The following THADA variants were observed in gnomAD, a reference collection of about 807,000 sequenced individuals.
The protein encoded by THADA is THADA armadillo repeat containing.
A neutral mutation model predicts 219.8 loss-of-function variants in THADA; 213 were observed. The observed-to-expected ratio is 0.97, with a 90% CI of 0.87 to 1.09. The LOEUF is 1.09. Ranked by LOEUF, THADA falls within the 50% of genes least tolerant of loss-of-function variation. THADA has a pLI of 0.00. For missense variants in THADA, 2,956 were observed against 2,311.3 expected, an observed-to-expected ratio of 1.28 and a Z score of -5.72; for synonymous variants, 1,018 against 828.9, an observed-to-expected ratio of 1.23 and a Z score of -3.92.
At position 43,540,444 on chromosome 2, in the gene THADA, T is replaced by C. The variant is rs1473271744; in HGVS notation, c.3264+715A>G. On this transcript the variant is annotated intron_variant, in intron 21 of 37. Coordinates refer to ENST00000405975, the MANE Select transcript of THADA (RefSeq NM_022065.5). ...GCATACTACAATATTTGTTTTGTTC[T>C]TGAATTGTAACACCCTAGGGAAAAA... is the stretch of plus-strand genomic sequence containing the variant. Among the ~76,000 whole-genome samples, 6 of 152,246 alleles carry C rather than the reference T, an allele frequency of 3.9e-5. No homozygotes were observed. The East Asian group carries it at 1.2e-3, about 29-fold the overall frequency.
At chr2:43,249,247 C>A (rs1462516414) in intron 36 of THADA, among the ~76,000 whole-genome samples, 1 of 152,120 alleles carries the variant, frequency 6.6e-6, no homozygotes, top group Non-Finnish European at 1.5e-5. Flanking sequence ...GCCACTACAC[C>A]CAGCTAATTT....
intron 25 of THADA, among the ~76,000 whole-genome samples, chr2:43,485,838 TG>T (rs1274829712): frequency 2.6e-5 from 4 of 151,480 alleles, no homozygotes. Flanking sequence ...GAGACCAGCC[TG>T]GGCAATACAG....
At chr2:43,574,289 A>C (rs759716184) in intron 11 of THADA, 47 bp downstream of exon 11, 1 of 1,295,710 alleles carries the variant, frequency 7.7e-7, no homozygotes, top group Non-Finnish European at 1.0e-6. Flanking sequence ...ACCTACATTT[A>C]AGCATCATAA....
intron 29 of THADA, among the ~76,000 whole-genome samples, chr2:43,344,648 C>A (rs753714887): frequency 6.6e-6 from 1 of 152,280 alleles, no homozygotes; most frequent in Non-Finnish European, 1.5e-5. Context: ...GTTTGAGAGT[C>A]TAAACTGGTT....
chr2:43,351,364 GC>G (rs1668232302), intron 29 of THADA, among the ~76,000 whole-genome samples: 1 of 152,016 alleles, frequency 6.6e-6, no homozygotes, highest in Admixed American at 6.6e-5. Flanking sequence ...ACTTACAAAT[GC>G]TTTCCTGGCC....
intron 29 of THADA, among the ~76,000 whole-genome samples, chr2:43,372,654 C>G (rs139445958): frequency 1.0e-3 from 158 of 152,272 alleles, no homozygotes; most frequent in African/African-American, 3.8e-3. Flanking sequence ...ATGCAGCATG[C>G]CTGTTTCATG....
chr2:43,433,232 TA>T (rs946693182), intron 26 of THADA, among the ~76,000 whole-genome samples: 1 of 152,034 alleles, frequency 6.6e-6, no homozygotes, highest in African/African-American at 2.4e-5. Flanking sequence ...TGATATGCCT[TA>T]AAAAGGAGAT....
intron 31 of THADA, among the ~76,000 whole-genome samples, chr2:43,317,781 T>C (rs1306832770): frequency 6.6e-6 from 1 of 152,210 alleles, no homozygotes; most frequent in Non-Finnish European, 1.5e-5. Context: ...TACAAACACA[T>C]CTAGCGATTT....
intron 26 of THADA, among the ~76,000 whole-genome samples, chr2:43,465,912 C>T (rs1684171785): frequency 6.6e-6 from 1 of 152,186 alleles, no homozygotes; most frequent in Non-Finnish European, 1.5e-5. Context: ...CCTAAATCCT[C>T]GCTGCTGTAA....
intron 28 of THADA, among the ~76,000 whole-genome samples, chr2:43,417,151 T>C (rs1040292737): frequency 2.6e-5 from 4 of 151,466 alleles, no homozygotes; most frequent in Non-Finnish European, 4.4e-5. Context: ...TAAATTCTTA[T>C]GTAAACATTT....
At chr2:43,404,530 T>C (rs1161100850) in intron 28 of THADA, among the ~76,000 whole-genome samples, 2 of 152,124 alleles carry the variant, frequency 1.3e-5, no homozygotes, top group Admixed American at 6.5e-5. Context: ...AACTTTACTG[T>C]ACCTTCTGTG....
At chr2:43,247,900 G>C (rs529197510) in intron 36 of THADA, among the ~76,000 whole-genome samples, 12 of 151,182 alleles carry the variant, frequency 7.9e-5, no homozygotes, top group African/African-American at 2.4e-4. Context: ...AAAATTAGCT[G>C]AATGTGGTGG....
chr2:43,304,245 A>C (rs572001983), intron 31 of THADA, among the ~76,000 whole-genome samples: 1 of 152,150 alleles, frequency 6.6e-6, no homozygotes, highest in Non-Finnish European at 1.5e-5. Flanking sequence ...CAGAGTGACA[A>C]CATTTTCTCG....
chr2:43,573,198 G>A (rs1272820485), intron 11 of THADA, among the ~76,000 whole-genome samples: 2 of 152,056 alleles, frequency 1.3e-5, no homozygotes, highest in Non-Finnish European at 2.9e-5. Context: ...TTTCAAGTAA[G>A]CATAATTCTC....
intron 28 of THADA, among the ~76,000 whole-genome samples, chr2:43,404,583 A>G (rs1040012415): frequency 2.6e-5 from 4 of 151,976 alleles, no homozygotes; most frequent in Non-Finnish European, 5.9e-5. Flanking sequence ...CTCCAATTGC[A>G]TATTTAGCTC....
chr2:43,508,235 G>A (rs534576475), intron 23 of THADA, among the ~76,000 whole-genome samples: 4 of 152,140 alleles, frequency 2.6e-5, no homozygotes, highest in African/African-American at 7.2e-5. Context: ...TAGGAGAATT[G>A]AAAAGAAAAT....
At chr2:43,434,672 C>A (rs1383341107) in intron 26 of THADA, among the ~76,000 whole-genome samples, 1 of 152,190 alleles carries the variant, frequency 6.6e-6, no homozygotes, top group Non-Finnish European at 1.5e-5. Flanking sequence ...TGGCCCAAAT[C>A]CAGCGGAAAA....
chr2:43,508,500 A>G (rs1689982927), intron 23 of THADA, 148 bp downstream of exon 23: 1 of 763,944 alleles, frequency 1.3e-6, no homozygotes, highest in African/African-American at 1.8e-5. Flanking sequence ...CCATCCCCAC[A>G]TTAAAACAAA....
At chr2:43,589,807 G>A (rs907410820) in intron 4 of THADA, among the ~76,000 whole-genome samples, 12 of 151,180 alleles carry the variant, frequency 7.9e-5, no homozygotes, top group Non-Finnish European at 2.9e-5. Context: ...AGTACCACCT[G>A]TTGCCCAAAA....
Sources: gnomAD v4.1 joint callset for allele counts (sites outside exome capture counted in the v4.1 genomes callset) on GRCh38, gnomAD v4.1.1 for gene constraint, MANE v1.5 for transcripts, NCBI Gene and HGNC (gene_info 2026-07-23, HGNC 2026-07-21) for gene names.